The following DNAJC15 variants were observed in gnomAD, a reference collection of about 807,000 sequenced individuals.
DNAJC15 encodes DnaJ heat shock protein family (Hsp40) member C15, also known as dnaJ homolog subfamily C member 15.
In DNAJC15, 27 loss-of-function variants were observed where a neutral mutation model predicts 22.4. That is an observed-to-expected ratio of 1.20 (90% CI 0.89 to 1.66). The LOEUF (loss-of-function observed/expected upper bound fraction) is 1.66. DNAJC15 is among the 40% of genes most tolerant of loss of function. The probability of loss-of-function intolerance (pLI) is 0.00; values close to 1 mark genes in which losing one functional copy is unlikely to be tolerated. For missense variants in DNAJC15, 208 were observed against 187.1 expected, an observed-to-expected ratio of 1.11 and a Z score of -0.65; for synonymous variants, 79 against 63.2, an observed-to-expected ratio of 1.25 and a Z score of -1.19.
At chr13:43,046,343 C>T (rs1021261513) in intron 1 of DNAJC15, among the ~76,000 whole-genome samples, 6 of 151,692 alleles carry the variant, frequency 4.0e-5, no homozygotes, top group Non-Finnish European at 8.8e-5. Flanking sequence ...AACATAATTT[C>T]GGTCACCAGT....
At chr13:43,060,024 T>C (rs910759622) in intron 1 of DNAJC15, among the ~76,000 whole-genome samples, 2 of 152,238 alleles carry the variant, frequency 1.3e-5, no homozygotes, top group Non-Finnish European at 2.9e-5. Flanking sequence ...GGATCTTCAG[T>C]TGCTTCGGGC....
intron 2 of DNAJC15, among the ~76,000 whole-genome samples, chr13:43,066,666 A>G (rs2040585521): frequency 6.6e-6 from 1 of 152,148 alleles, no homozygotes; most frequent in Admixed American, 6.5e-5. Flanking sequence ...TGCTCTGCCC[A>G]GGCTGGAGTG....
intron 3 of DNAJC15, among the ~76,000 whole-genome samples, chr13:43,076,137 CT>C (rs1009763627): frequency 4.6e-5 from 7 of 152,028 alleles, no homozygotes; most frequent in Non-Finnish European, 1.5e-5. Flanking sequence ...GGGTGGGGGA[CT>C]ATTTGTTTTT....
At chr13:43,075,447 A>G (rs541125639) in intron 3 of DNAJC15, among the ~76,000 whole-genome samples, 189 of 152,368 alleles carry the variant, frequency 1.2e-3, no homozygotes, top group Non-Finnish European at 2.3e-3. Flanking sequence ...TCCCTAAGGT[A>G]AATAAAGACT....
In DNAJC15 at chr13:43,023,719, C is replaced by T. The variant is rs1235039419; in HGVS notation, c.93C>T (p.Val31=). The T allele has an allele frequency of 7.5e-6, 12 of 1,610,236 alleles. No homozygotes were observed. ...QPSAKRPDAD[V]DQQRLVRSLI... is the part of the protein sequence containing the mutation. ...CGGCCAAACGGCCAGACGCCGACGT[C>T]GACCAGCAGAGACTGGTGAGTCCTG... The change falls in exon 1 of 6, where the codon GTC becomes GTT. Residue 31 remains valine, a synonymous_variant. Coordinates refer to ENST00000379221, the MANE Select transcript of DNAJC15 (RefSeq NM_013238.3).
intron 4 of DNAJC15, among the ~76,000 whole-genome samples, chr13:43,084,233 T>C (rs1011486032): frequency 2.6e-5 from 4 of 152,228 alleles, no homozygotes; most frequent in Non-Finnish European, 5.9e-5. Context: ...GTTAGGTTAT[T>C]TACACTTTAT....
At chr13:43,043,117 T>G (rs1184008880) in intron 1 of DNAJC15, among the ~76,000 whole-genome samples, 2 of 152,164 alleles carry the variant, frequency 1.3e-5, no homozygotes, top group Non-Finnish European at 2.9e-5. Flanking sequence ...TTAAATTTGT[T>G]TATTTTTATT....
chr13:43,026,852 T>G (rs1231312738), intron 1 of DNAJC15, among the ~76,000 whole-genome samples: 1 of 152,164 alleles, frequency 6.6e-6, no homozygotes, highest in African/African-American at 2.4e-5. Flanking sequence ...GTGGGCAACA[T>G]AGTGAGACCC....
chr13:43,091,073 AT>A (rs199696371), intron 5 of DNAJC15, among the ~76,000 whole-genome samples: 1 of 151,456 alleles, frequency 6.6e-6, no homozygotes, highest in Non-Finnish European at 1.5e-5. Flanking sequence ...AATTTATTTT[AT>A]TTTTTTTATT....
chr13:43,090,492 A>G (rs2040708806), intron 5 of DNAJC15, among the ~76,000 whole-genome samples: 1 of 151,928 alleles, frequency 6.6e-6, no homozygotes, highest in Admixed American at 6.6e-5. Flanking sequence ...ACTAACTTCC[A>G]TATTAAAAAA....
intron 4 of DNAJC15, among the ~76,000 whole-genome samples, chr13:43,084,706 A>G (rs1002010158): frequency 6.6e-6 from 1 of 152,232 alleles, no homozygotes; most frequent in African/African-American, 2.4e-5. Flanking sequence ...AAATGTACTA[A>G]TAAGCAACAT....
rs779711541 is a variant in DNAJC15, at chr13:43,107,284, G to A, written c.*36G>A. ...CCACACTGAAGGAAAAAAAAAGAGG[G>A]GACTTCGAAAAAAAAAAAAGCCCTG... On this transcript the variant is annotated 3_prime_UTR_variant, in exon 6 of 6. Transcript: ENST00000379221. 2.7e-6 allele frequency: 4 copies of A among 1,479,574 alleles called. No homozygotes were observed. Among genetic ancestry groups the A allele is most frequent in the South Asian group, 2.8e-5 (2 of 71,186 alleles). The allele number at this position is 1,479,574 out of a possible 1,614,324, so 91.7% of individuals were successfully genotyped here.
chr13:43,090,937 C>T (rs182491427), intron 5 of DNAJC15, among the ~76,000 whole-genome samples: 29 of 151,978 alleles, frequency 1.9e-4, no homozygotes, highest in African/African-American at 5.5e-4. Flanking sequence ...CTCCTGACAT[C>T]GTGATCCACC....
intron 5 of DNAJC15, among the ~76,000 whole-genome samples, chr13:43,104,134 C>A (rs1041306880): frequency 1.3e-5 from 2 of 152,104 alleles, no homozygotes; most frequent in African/African-American, 4.8e-5. Flanking sequence ...TGCATGTAAT[C>A]ACTAACAGTC....
chr13:43,095,948 G>T (rs2040737629), intron 5 of DNAJC15, among the ~76,000 whole-genome samples: 1 of 152,062 alleles, frequency 6.6e-6, no homozygotes. Flanking sequence ...GAGGAGGAGA[G>T]AAATGGAATA....
chr13:43,104,139 A>G (rs559278794), intron 5 of DNAJC15, among the ~76,000 whole-genome samples: 48 of 152,306 alleles, frequency 3.2e-4, no homozygotes, highest in African/African-American at 1.1e-3. Flanking sequence ...GTAATCACTA[A>G]CAGTCAAGAC....
At chr13:43,078,883 CA>C (rs1319663233) in intron 4 of DNAJC15, 195 bp downstream of exon 4, 14 of 397,046 alleles carry the variant, frequency 3.5e-5, no homozygotes, top group East Asian at 1.1e-4. Flanking sequence ...CAAAACAAAA[CA>C]AAAAAACAGG....
chr13:43,048,975 TAAAA>T lies in DNAJC15; in HGVS notation c.109-16705_109-16702del, dbSNP rs747581524. Among the ~76,000 whole-genome samples the T allele has an allele frequency of 3.5e-5, 5 of 142,826 alleles. No homozygotes were observed. The South Asian group carries it at 6.5e-4, about 19-fold the overall frequency. 93.7% of individuals were successfully genotyped at this position (142,826 alleles called of 152,430 possible). ...CCTTGTGAATTTTTTTTTAAAGAATTAAAAAAAAAGCCTCATATGGCATCCATAT... is the reference window on the plus strand; with the variant it reads ...CCTTGTGAATTTTTTTTTAAAGAATTAAAAAGCCTCATATGGCATCCATAT... On this transcript the variant is annotated intron_variant, in intron 1 of 5. Coordinates refer to ENST00000379221, the MANE Select transcript of DNAJC15 (RefSeq NM_013238.3).
chr13:43,026,752 G>T (rs1013883903), intron 1 of DNAJC15, among the ~76,000 whole-genome samples: 6 of 152,138 alleles, frequency 3.9e-5, no homozygotes, highest in Non-Finnish European at 7.3e-5. Flanking sequence ...ATATCTTGTT[G>T]GGCTGGACAT....
Sources: gnomAD v4.1 joint callset for allele counts (sites outside exome capture counted in the v4.1 genomes callset) on GRCh38, gnomAD v4.1.1 for gene constraint, MANE v1.5 for transcripts, NCBI Gene and HGNC (gene_info 2026-07-23, HGNC 2026-07-21) for gene names.